Variants in SULF2 observed in about 807,000 individuals in gnomAD.
SULF2 encodes extracellular sulfatase Sulf-2.
A neutral mutation model predicts 107.7 loss-of-function variants in SULF2; 52 were observed. That is an observed-to-expected ratio of 0.48 (90% CI 0.39 to 0.61). The LOEUF (loss-of-function observed/expected upper bound fraction) is 0.61, where lower values mean the gene tolerates loss of function less well. Ranked by LOEUF, SULF2 falls within the 20% of genes least tolerant of loss-of-function variation. SULF2 has a pLI of 0.00. For synonymous variants in SULF2, 460 were observed against 464.3 expected, an observed-to-expected ratio of 0.99 and a Z score of 0.12; for missense variants, 993 against 1,177.3, an observed-to-expected ratio of 0.84 and a Z score of 2.29.
At chr20:47,685,827 G>A (rs1195508615) in intron 5 of SULF2, 3 of 152,292 alleles carry the variant, frequency 2.0e-5, no homozygotes, top group African/African-American at 7.2e-5. Context: ...CTGCTTAATC[G>A]TGCAGCAGGA....
At chr20:47,769,662 C>T (rs1471011530) in intron 1 of SULF2, among the ~76,000 whole-genome samples, 1 of 152,140 alleles carries the variant, frequency 6.6e-6, no homozygotes, top group African/African-American at 2.4e-5. Flanking sequence ...TGTTCCCGGC[C>T]CTATTCTTCA....
At chr20:47,699,160 C>T (rs533741975) in intron 4 of SULF2, among the ~76,000 whole-genome samples, 87 of 152,226 alleles carry the variant, frequency 5.7e-4, no homozygotes, top group African/African-American at 2.0e-3. Context: ...GATGTGTGCA[C>T]ATCACTTAAC....
At chr20:47,774,684 T>C (rs547047269) in intron 1 of SULF2, among the ~76,000 whole-genome samples, 1 of 152,182 alleles carries the variant, frequency 6.6e-6, no homozygotes, top group African/African-American at 2.4e-5. Flanking sequence ...GAGTCACCTA[T>C]GCAGGGGCGG....
chr20:47,756,934 T>C (rs909693734), intron 2 of SULF2, among the ~76,000 whole-genome samples: 9 of 152,174 alleles, frequency 5.9e-5, no homozygotes, highest in African/African-American at 2.2e-4. Flanking sequence ...GCATGAGCCA[T>C]AGCGCCCAGC....
chr20:47,662,384 G>A (rs956176921), intron 17 of SULF2, among the ~76,000 whole-genome samples: 1 of 152,216 alleles, frequency 6.6e-6, no homozygotes, highest in South Asian at 2.1e-4. Flanking sequence ...TATCTAAGGA[G>A]AAAGACTGCA....
At chr20:47,752,171 T>C (rs1263018101) in intron 2 of SULF2, among the ~76,000 whole-genome samples, 1 of 152,210 alleles carries the variant, frequency 6.6e-6, no homozygotes, top group Non-Finnish European at 1.5e-5. Flanking sequence ...CACTGTGGCA[T>C]TGGCCCAGGG....
rs572831708 is a variant in SULF2 at position 47,698,112 on chromosome 20, C to T, written c.567+4407G>A. On this transcript the variant is annotated intron_variant, in intron 4 of 20. Coordinates refer to ENST00000688720, the MANE Select transcript of SULF2 (RefSeq NM_001387048.1). ...CTTGGGCCTGGACCCATCAGACTTA[C>T]AGGGAGCCCAGGATGACCTGTCGGA... Among the ~76,000 whole-genome samples, 4 of 152,352 alleles carry T rather than the reference C, an allele frequency of 2.6e-5. No individual in the cohort carries two copies. The East Asian group carries it at 5.8e-4, about 22-fold the overall frequency.
At chr20:47,670,708 GGGGT>G (rs1568790924) in intron 11 of SULF2, among the ~76,000 whole-genome samples, 2 of 464 alleles carry the variant, frequency 4.3e-3, no homozygotes, top group Admixed American at 0.077. Flanking sequence ...GAACGGGGTG[GGGGT>G]GGGAGCGGGG....
chr20:47,670,086 A>G (rs2087411765), intron 11 of SULF2, among the ~76,000 whole-genome samples: 1 of 152,156 alleles, frequency 6.6e-6, no homozygotes, highest in South Asian at 2.1e-4. Flanking sequence ...CACGATGAAG[A>G]CATTTGCTGC....
At chr20:47,663,713 T>C in intron 15 of SULF2, 91 bp from the exon 16 acceptor site, 3 of 1,409,068 alleles carry the variant, frequency 2.1e-6, no homozygotes, top group Non-Finnish European at 1.9e-6. Flanking sequence ...AGGGCTTCGC[T>C]GAGGCTTCTC....
intron 8 of SULF2, among the ~76,000 whole-genome samples, chr20:47,677,335 G>C (rs572459604): frequency 6.6e-6 from 1 of 152,152 alleles, no homozygotes; most frequent in East Asian, 1.9e-4. Context: ...CCAGAGACTT[G>C]GGTCTGGAGA....
At chr20:47,667,563 G>A (rs531475825) in intron 11 of SULF2, among the ~76,000 whole-genome samples, 1 of 152,188 alleles carries the variant, frequency 6.6e-6, no homozygotes, top group Non-Finnish European at 1.5e-5. Context: ...TGGTCAGGAC[G>A]GGCCGGGGAT....
At chr20:47,726,158 G>A (rs1195369962) in intron 3 of SULF2, among the ~76,000 whole-genome samples, 2 of 152,104 alleles carry the variant, frequency 1.3e-5, no homozygotes, top group African/African-American at 4.8e-5. Context: ...CCTTCTCAGT[G>A]CTGTGTGTCA....
chr20:47,704,051 TG>T (rs1568836717), intron 3 of SULF2, among the ~76,000 whole-genome samples: 1 of 152,174 alleles, frequency 6.6e-6, no homozygotes, highest in Non-Finnish European at 1.5e-5. Flanking sequence ...TCTCGGGTGA[TG>T]ATCTTGTTCT....
At position 47,713,005 on chromosome 20, in the gene SULF2, C is replaced by T. The variant is rs561438212; in HGVS notation, c.416-10335G>A. On this transcript the variant is annotated intron_variant, in intron 3 of 20. Transcript: ENST00000688720. ...GCAGTGGACCAAGATCCTGCCACTG[C>T]ACTCCAGCCTGGGTAACAGAGCCAG... Among the ~76,000 whole-genome samples the T allele has an allele frequency of 1.3e-4, 20 of 151,534 alleles. 1 individual carries two copies. The South Asian group carries it at 4.2e-3, about 31-fold the overall frequency.
At chr20:47,734,669 G>A (rs1226320299) in intron 3 of SULF2, among the ~76,000 whole-genome samples, 1 of 152,182 alleles carries the variant, frequency 6.6e-6, no homozygotes, top group Non-Finnish European at 1.5e-5. Context: ...TCAGGGTCCT[G>A]AGTTCTGAAA....
intron 11 of SULF2, among the ~76,000 whole-genome samples, chr20:47,670,524 G>C (rs1471011480): frequency 6.7e-6 from 1 of 150,180 alleles, no homozygotes; most frequent in Non-Finnish European, 1.5e-5. Context: ...CTACCATGTG[G>C]ATGAACCCGG....
chr20:47,723,536 C>T (rs1474034051), intron 3 of SULF2, among the ~76,000 whole-genome samples: 2 of 152,162 alleles, frequency 1.3e-5, no homozygotes, highest in Non-Finnish European at 2.9e-5. Flanking sequence ...GAGTGGCAGG[C>T]GAGTGAGCAA....
rs2089852685 is a variant in SULF2 at position 47,740,519 on chromosome 20, T to C, written c.176-3577A>G. On this transcript the variant is annotated intron_variant, in intron 2 of 20. Transcript: ENST00000688720. ...CCAAACACCAGGGATGCTGGTGGTG[T>C]GAAAGGCCACTGGGAGCTCCAGGCA... is the stretch of plus-strand genomic sequence containing the variant. Among the ~76,000 whole-genome samples the C allele has an allele frequency of 3.3e-5, 5 of 152,206 alleles. No individual in the cohort carries two copies. In the South Asian group the frequency reaches 1.0e-3, roughly 32 times the overall value.
Sources: allele counts gnomAD v4.1 joint callset (sites outside exome capture counted in the v4.1 genomes callset), GRCh38; gene constraint gnomAD v4.1.1; transcripts MANE v1.5; gene names NCBI Gene and HGNC (gene_info 2026-07-23, HGNC 2026-07-21).